Variants in ZNF846 observed in about 807,000 individuals in gnomAD.
ZNF846 encodes the protein zinc finger protein 846, also known as zinc finger protein 420 pseudogene.
A neutral mutation model predicts 16.0 loss-of-function variants in ZNF846; 15 were observed. The ratio of observed to expected loss-of-function variants is 0.94; its 90% CI spans 0.63 to 1.45. The LOEUF (loss-of-function observed/expected upper bound fraction) is 1.45, where lower values mean the gene tolerates loss of function less well. ZNF846 is among the 40% of genes most tolerant of loss of function. ZNF846 has a pLI of 0.00. For synonymous variants in ZNF846, 229 were observed against 212.0 expected (o/e 1.08, Z -0.70); for missense variants, 714 against 622.3 (o/e 1.15, Z -1.57).
At chr19:9,770,476 TTC>T (rs1196344353), upstream of ZNF846, among the ~76,000 whole-genome samples, 1 of 147,922 alleles carries the variant, frequency 6.8e-6, no homozygotes, top group Non-Finnish European at 1.5e-5. Flanking sequence ...ATATTGGGTT[TTC>T]TCTTTTTTTT....
intron 1 of ZNF846, among the ~76,000 whole-genome samples, chr19:9,767,147 T>C (rs2045329413): frequency 1.3e-5 from 2 of 151,788 alleles, no homozygotes; most frequent in South Asian, 4.2e-4. Context: ...TATTTATTTA[T>C]TTATTTAGAC....
At chr19:9,779,749 G>A (rs923322694) in intron 1 of ZNF846, among the ~76,000 whole-genome samples, 3 of 150,238 alleles carry the variant, frequency 2.0e-5, no homozygotes, top group Non-Finnish European at 4.4e-5. Flanking sequence ...TTTTTGTATT[G>A]TTAGTAGAGA....
chr19:9,784,321 G>A (rs1306876194), intron 1 of ZNF846, among the ~76,000 whole-genome samples: 1 of 152,232 alleles, frequency 6.6e-6, no homozygotes, highest in Non-Finnish European at 1.5e-5. Context: ...GCAGGAAAAT[G>A]TGAGCAAAGG....
upstream of ZNF846, among the ~76,000 whole-genome samples, chr19:9,771,756 T>C (rs780814169): frequency 2.0e-5 from 3 of 151,978 alleles, no homozygotes; most frequent in African/African-American, 7.2e-5. Context: ...TAAACATGTG[T>C]GTGCAAGTGT....
At chr19:9,757,186 C>G (rs1173878175), downstream of ZNF846, among the ~76,000 whole-genome samples, 2 of 149,604 alleles carry the variant, frequency 1.3e-5, no homozygotes, top group Non-Finnish European at 2.9e-5. Flanking sequence ...GAGAGAGAGA[C>G]TCTGTCTCAA....
At chr19:9,762,708 C>T (rs193102677) in intron 3 of ZNF846, among the ~76,000 whole-genome samples, 3,115 of 152,276 alleles carry the variant, frequency 0.02, 61 homozygotes, top group Non-Finnish European at 0.03. Flanking sequence ...GTGGGCCACA[C>T]TGGAAGAAGA....
chr19:9,767,262 A>C (rs1449232527), intron 1 of ZNF846, among the ~76,000 whole-genome samples: 1 of 151,854 alleles, frequency 6.6e-6, no homozygotes. Flanking sequence ...CAGCCTCCCG[A>C]GTAGCTAAGA....
intron 2 of ZNF846, chr19:9,764,664 T>G (rs1244863724): frequency 4.2e-6 from 2 of 472,428 alleles, no homozygotes; most frequent in Non-Finnish European, 7.7e-6. Context: ...CTATCTTGTG[T>G]GTGTCTATTA....
At chr19:9,752,924 G>A (rs1444992178), downstream of ZNF846, among the ~76,000 whole-genome samples, 1 of 148,198 alleles carries the variant, frequency 6.7e-6, no homozygotes, top group Non-Finnish European at 1.5e-5. Context: ...CCATAGACTG[G>A]TGGTTAATAA....
At chr19:9,774,893 C>G (rs903315028) in intron 1 of ZNF846, 1 of 1,609,614 alleles carries the variant, frequency 6.2e-7, no homozygotes, top group Admixed American at 1.7e-5. Context: ...CTCTAAGGAC[C>G]GTAAAAAATT....
chr19:9,757,173 TGA>T (rs890395208), downstream of ZNF846, among the ~76,000 whole-genome samples: 1 of 149,286 alleles, frequency 6.7e-6, no homozygotes, highest in Non-Finnish European at 1.5e-5. Flanking sequence ...CCAGCCTGGG[TGA>T]GAGAGAGAGA....
chr19:9,764,047 C>T (rs1002254597), intron 2 of ZNF846, among the ~76,000 whole-genome samples: 1 of 152,156 alleles, frequency 6.6e-6, no homozygotes, highest in Non-Finnish European at 1.5e-5. Flanking sequence ...GACGTGCAGT[C>T]AGGGAGGTTT....
At chr19:9,770,867 AAAAAAAT>A (rs1344091861), upstream of ZNF846, among the ~76,000 whole-genome samples, 33 of 152,262 alleles carry the variant, frequency 2.2e-4, no homozygotes, top group African/African-American at 2.9e-4. Context: ...CAACTGTCTC[AAAAAAAT>A]AAAAAATAAA....
Position 9,758,336 on chromosome 19 carries a change from A to T in ZNF846, c.741T>A (p.Ile247=), listed in dbSNP as rs758567572. The T allele has an allele frequency of 3.1e-6, 5 of 1,613,286 alleles. 1 individual carries two copies. In the African/African-American group the frequency reaches 6.7e-5, roughly 22 times the overall value. The change falls in exon 6 of 6, where the codon ATT becomes ATA. Residue 247 remains isoleucine, a synonymous_variant. Coordinates refer to ENST00000397902, the Ensembl canonical transcript of ZNF846. ...AGACATAGGGCTTCTCTCCACTGTGAATTCTTCCATGTCCTATAAGGTGTG... is the reference window on the plus strand; with the variant it reads ...AGACATAGGGCTTCTCTCCACTGTGTATTCTTCCATGTCCTATAAGGTGTG...
rs1011468305 is a variant in ZNF846, at chr19:9,775,193, A to G, written c.-85-10158T>C. The stretch of plus-strand genomic sequence containing the variant: ...TATATACATATATATGTGTATATAT[A>G]TGTGTGTGTGTGTGTGTGTGTATAT... On this transcript the variant is annotated intron_variant, in intron 1 of 4. Coordinates refer to the ZNF846 transcript ENST00000586814. Among the ~76,000 whole-genome samples the G allele has an allele frequency of 3.0e-4, 45 of 149,524 alleles. 1 individual carries two copies. The highest frequency in any genetic ancestry group is 1.3e-3 in the South Asian group (6 of 4,728).
At chr19:9,777,149 G>GCACACACA (rs113160573) in intron 1 of ZNF846, among the ~76,000 whole-genome samples, 10 of 131,746 alleles carry the variant, frequency 7.6e-5, no homozygotes, top group East Asian at 2.1e-4. Flanking sequence ...ACACACACAC[G>GCACACACA]CACACACACA....
intron 1 of ZNF846, among the ~76,000 whole-genome samples, chr19:9,780,824 T>G (rs2045494882): frequency 6.6e-6 from 1 of 152,138 alleles, no homozygotes; most frequent in Non-Finnish European, 1.5e-5. Context: ...TCAGTTAACT[T>G]TCATGAATTC....
intron 3 of ZNF846, 127 bp downstream of exon 3, chr19:9,763,155 A>AT: frequency 1.2e-6 from 1 of 862,940 alleles, no homozygotes; most frequent in Non-Finnish European, 1.6e-6. Context: ...AAAAAAAAAA[A>AT]AAAAGGAATG....
chr19:9,769,628 G>T (rs74880017), upstream of ZNF846, among the ~76,000 whole-genome samples: 4,630 of 152,142 alleles, frequency 0.03, 102 homozygotes, highest in Non-Finnish European at 0.047. Flanking sequence ...TAGCTACTGC[G>T]GGAGAATCGC....
Sources: gnomAD v4.1 joint callset for allele counts (sites outside exome capture counted in the v4.1 genomes callset) on GRCh38, gnomAD v4.1.1 for gene constraint, MANE v1.5 for transcripts, NCBI Gene and HGNC (gene_info 2026-07-23, HGNC 2026-07-21) for gene names.